The following PPA2 variants were observed in gnomAD, a reference collection of about 807,000 sequenced individuals.
The protein encoded by PPA2 is inorganic pyrophosphatase 2, mitochondrial.
Under a neutral mutation model 49.5 loss-of-function variants are expected in PPA2, and 48 were observed. The observed-to-expected ratio is 0.97, with a 90% CI of 0.77 to 1.23. PPA2 has a LOEUF of 1.23. PPA2 is among the 50% of genes most tolerant of loss of function. PPA2 has a pLI of 0.00. For synonymous variants in PPA2, 131 were observed against 139.9 expected, an observed-to-expected ratio of 0.94 and a Z score of 0.45; for missense variants, 429 against 410.1, an observed-to-expected ratio of 1.05 and a Z score of -0.40.
intron 1 of PPA2, among the ~76,000 whole-genome samples, chr4:105,467,217 T>C (rs1049415999): frequency 7.2e-5 from 11 of 152,192 alleles, no homozygotes; most frequent in South Asian, 2.1e-4. Flanking sequence ...ATATTTGATA[T>C]TGAATGGTCA....
At chr4:105,382,797 G>A (rs1733539067) in intron 10 of PPA2, among the ~76,000 whole-genome samples, 2 of 151,994 alleles carry the variant, frequency 1.3e-5, no homozygotes, top group African/African-American at 2.4e-5. Flanking sequence ...CCAGAAGTCT[G>A]AGGCCAGCCT....
At chr4:105,383,497 C>T (rs2713830) in intron 10 of PPA2, among the ~76,000 whole-genome samples, 78,577 of 152,008 alleles carry the variant, frequency 0.52, 21,239 homozygotes, top group East Asian at 0.69. Flanking sequence ...TAAATGTTCA[C>T]CCAGCATATA....
chr4:105,458,857 TAAC>T lies in PPA2; in HGVS notation c.158-2115_158-2113del, dbSNP rs1272020928. Among the ~76,000 whole-genome samples, 3 of 148,122 alleles carry T rather than the reference TAAC, an allele frequency of 2.0e-5. No individual in the cohort carries two copies. In the East Asian group the frequency reaches 6.0e-4, roughly 29 times the overall value. ...AAAAAAAAAAAAAAGGCATGTAACT[TAAC>T]AATGAAATTGTTAATTCCCACCAAT... is the stretch of plus-strand genomic sequence containing the variant. On this transcript the variant is annotated intron_variant, in intron 1 of 11. Transcript: ENST00000341695.
intron 7 of PPA2, among the ~76,000 whole-genome samples, chr4:105,408,037 G>A (rs1722564832): frequency 6.6e-6 from 1 of 152,156 alleles, no homozygotes; most frequent in South Asian, 2.1e-4. Context: ...GAGAGAGAGA[G>A]TCCCAGCCCT....
intron 7 of PPA2, among the ~76,000 whole-genome samples, chr4:105,401,264 G>C (rs1490607): frequency 0.37 from 56,823 of 151,890 alleles, 12,589 homozygotes; most frequent in East Asian, 0.68. Context: ...AGTTTAAAAG[G>C]CTTGCCAAAA....
intron 6 of PPA2, among the ~76,000 whole-genome samples, chr4:105,432,232 G>A (rs1267491185): frequency 6.6e-6 from 1 of 152,102 alleles, no homozygotes. Flanking sequence ...TAAGTGAATG[G>A]TTCGCTTCTT....
At chr4:105,464,178 A>C (rs866331154) in intron 1 of PPA2, among the ~76,000 whole-genome samples, 13 of 152,098 alleles carry the variant, frequency 8.5e-5, no homozygotes, top group Non-Finnish European at 1.6e-4. Flanking sequence ...ACAGGAACCC[A>C]CCTCTTGCAT....
At chr4:105,394,173 C>T (rs1207475272) in intron 9 of PPA2, among the ~76,000 whole-genome samples, 1 of 151,716 alleles carries the variant, frequency 6.6e-6, no homozygotes, top group Non-Finnish European at 1.5e-5. Context: ...TCGAGACCAC[C>T]CTGGCCAACA....
At chr4:105,466,415 T>C (rs1723303400) in intron 1 of PPA2, among the ~76,000 whole-genome samples, 1 of 152,042 alleles carries the variant, frequency 6.6e-6, no homozygotes, top group South Asian at 2.1e-4. Flanking sequence ...GTGTTTATTC[T>C]ATCACATATC....
At chr4:105,375,055 C>T (rs904918779) in intron 10 of PPA2, among the ~76,000 whole-genome samples, 9 of 151,908 alleles carry the variant, frequency 5.9e-5, no homozygotes, top group African/African-American at 1.9e-4. Flanking sequence ...ATTCATTTTA[C>T]TTTTCACACA....
rs200312086 is a variant in PPA2 at position 105,435,617 on chromosome 4, TA to T, written c.528+2332del. On this transcript the variant is annotated intron_variant, in intron 6 of 11. Transcript: ENST00000341695. ...AAAAAGATAATTCATCATGATCAAG[TA>T]GGGTTTATTCCAGGAATGCAAGGAT... Among the ~76,000 whole-genome samples the T allele has an allele frequency of 4.5e-4, 68 of 152,268 alleles. No homozygotes were observed. In the East Asian group the frequency reaches 0.013, roughly 29 times the overall value.
chr4:105,398,993 A>G (rs758465617), intron 8 of PPA2, 44 bp downstream of exon 8: 1 of 1,572,054 alleles, frequency 6.4e-7, no homozygotes, highest in East Asian at 2.2e-5. Context: ...AATATTGTAC[A>G]GGTATCAGGA....
chr4:105,446,553 T>G, intron 4 of PPA2, 51 bp from the exon 5 acceptor site: 1 of 1,551,032 alleles, frequency 6.4e-7, no homozygotes, highest in Admixed American at 2.0e-5. Flanking sequence ...AAATAATTAA[T>G]TCTATGTCCA....
At chr4:105,469,468 A>G (rs528888799) in intron 1 of PPA2, among the ~76,000 whole-genome samples, 1 of 152,364 alleles carries the variant, frequency 6.6e-6, no homozygotes, top group Non-Finnish European at 1.5e-5. Context: ...AATTTTATGT[A>G]TCTATACCAG....
chr4:105,410,230 G>C (rs1722688348), intron 7 of PPA2, among the ~76,000 whole-genome samples: 1 of 152,138 alleles, frequency 6.6e-6, no homozygotes, highest in African/African-American at 2.4e-5. Flanking sequence ...TGACCTGATG[G>C]AGCTGAAAAC....
intron 7 of PPA2, chr4:105,399,629 T>A (rs1341863584): frequency 6.5e-6 from 1 of 152,858 alleles, no homozygotes; most frequent in Non-Finnish European, 1.5e-5. Flanking sequence ...GGGGAAAAGG[T>A]AGAAGGAACA....
At chr4:105,381,176 G>A (rs999567813) in intron 10 of PPA2, among the ~76,000 whole-genome samples, 4 of 151,934 alleles carry the variant, frequency 2.6e-5, no homozygotes, top group African/African-American at 4.8e-5. Context: ...GTCATTGTAT[G>A]TTTCCTCTTT....
rs151331559 is a variant in PPA2 at position 105,386,568 on chromosome 4, G to A, written c.938C>T (p.Ser313Leu). ...TQEEARSLVESVSSSPNKESN... is the reference protein window; with the variant it reads ...TQEEARSLVELVSSSPNKESN... ...ATGTCTTGGATGTTTGCCCCTTACC[G>A]ATTCAACTAATGATCTTGCTTCCTC... Residue 313 changes from serine to leucine, a missense_variant and splice_region_variant, in exon 10 of 12, where the codon TCG becomes TTG. Physicochemically the swap from Ser to Leu is moderately radical, Grantham distance 145. Coordinates refer to ENST00000341695, the MANE Select transcript of PPA2 (RefSeq NM_176869.3). 50 of 1,609,142 alleles carry A rather than the reference G, an allele frequency of 3.1e-5. No homozygotes were observed. The highest frequency in any genetic ancestry group is 3.7e-5 in the Non-Finnish European group (44 of 1,176,094).
chr4:105,448,125 T>C (rs1484092497), intron 4 of PPA2: 2 of 392,916 alleles, frequency 5.1e-6, no homozygotes, highest in Admixed American at 2.9e-5. Flanking sequence ...AAATAAGCCA[T>C]GTTGAATGAA....
Sources: gnomAD v4.1 joint callset for allele counts (sites outside exome capture counted in the v4.1 genomes callset) on GRCh38, gnomAD v4.1.1 for gene constraint, MANE v1.5 for transcripts, NCBI Gene and HGNC (gene_info 2026-07-23, HGNC 2026-07-21) for gene names.